The following RXFP1 variants were observed in gnomAD, a reference collection of about 807,000 sequenced individuals.
RXFP1 encodes relaxin family peptide receptor 1, also known as relaxin receptor 1.
In RXFP1, 73 loss-of-function variants were observed where a neutral mutation model predicts 89.8. The observed-to-expected ratio is 0.81, with a 90% CI of 0.67 to 0.99. The LOEUF (loss-of-function observed/expected upper bound fraction) is 0.99. Ranked by LOEUF, RXFP1 falls within the 50% of genes least tolerant of loss-of-function variation. The pLI is 0.00. For missense variants in RXFP1, 793 were observed against 895.5 expected (o/e 0.89, Z 1.46); for synonymous variants, 277 against 305.5 (o/e 0.91, Z 0.97).
At chr4:158,549,798 T>A (rs1250063336) in intron 1 of RXFP1, among the ~76,000 whole-genome samples, 9 of 151,766 alleles carry the variant, frequency 5.9e-5, no homozygotes, top group African/African-American at 2.2e-4. Flanking sequence ...GCTGCCTGAT[T>A]GTTCCTCTGG....
Position 158,651,958 on chromosome 4 carries a change from A to C in RXFP1, c.2177A>C (p.Gln726Pro), listed in dbSNP as rs766483698. ...SFIWVEMWPL[Q>P]EMPPELMKPD... ...ATCTGGGTGGAAATGTGGCCACTGC[A>C]GGAGATGCCACCTGAGTTAATGAAG... Residue 726 changes from glutamine to proline, a missense_variant, in exon 18 of 18, where the codon CAG becomes CCG. By Grantham distance (76) the Gln-to-Pro change is moderately conservative. Transcript: ENST00000307765. The C allele has an allele frequency of 1.9e-6, 3 of 1,614,172 alleles. No individual in the cohort carries two copies. The highest frequency in any genetic ancestry group is 2.2e-5 in the South Asian group (2 of 91,088).
At chr4:158,604,395 T>A (rs1428174461) in intron 4 of RXFP1, among the ~76,000 whole-genome samples, 4 of 152,154 alleles carry the variant, frequency 2.6e-5, no homozygotes, top group Non-Finnish European at 5.9e-5. Context: ...CTGGTTTTGG[T>A]TTTTTTATTG....
At chr4:158,598,050 C>G (rs909578091) in intron 3 of RXFP1, among the ~76,000 whole-genome samples, 3 of 152,016 alleles carry the variant, frequency 2.0e-5, no homozygotes, top group African/African-American at 7.2e-5. Context: ...CACATGTCAC[C>G]CCATATCTGA....
At chr4:158,622,326 T>A (rs1225553931) in intron 9 of RXFP1, among the ~76,000 whole-genome samples, 2 of 151,130 alleles carry the variant, frequency 1.3e-5, no homozygotes, top group African/African-American at 2.4e-5. Flanking sequence ...AAAAAAAAAA[T>A]TAAAAATAGA....
chr4:158,618,721 A>G (rs1765053907), intron 9 of RXFP1, among the ~76,000 whole-genome samples: 1 of 152,138 alleles, frequency 6.6e-6, no homozygotes, highest in South Asian at 2.1e-4. Flanking sequence ...AAAAATACAT[A>G]CAAACTAAAG....
At chr4:158,558,146 T>G (rs1017918965) in intron 1 of RXFP1, among the ~76,000 whole-genome samples, 1 of 152,246 alleles carries the variant, frequency 6.6e-6, no homozygotes, top group Admixed American at 6.5e-5. Context: ...AAGGAACTTG[T>G]TCTCACCTTT....
intron 17 of RXFP1, 118 bp downstream of exon 17, chr4:158,648,835 G>A (rs1772070920): frequency 1.2e-5 from 8 of 672,150 alleles, no homozygotes; most frequent in Admixed American, 6.1e-5. Flanking sequence ...CATCAGATCC[G>A]AGCACAGTGG....
intron 17 of RXFP1, among the ~76,000 whole-genome samples, chr4:158,650,743 TG>T (rs1437578458): frequency 6.6e-6 from 1 of 152,014 alleles, no homozygotes; most frequent in East Asian, 1.9e-4. Context: ...CACTACAACC[TG>T]GGTGATAGAG....
chr4:158,524,198 A>C (rs547535291), intron 1 of RXFP1, among the ~76,000 whole-genome samples: 1 of 152,314 alleles, frequency 6.6e-6, no homozygotes, highest in East Asian at 1.9e-4. Flanking sequence ...GTGCCTTGTC[A>C]CAAGACTCCA....
intron 6 of RXFP1, among the ~76,000 whole-genome samples, chr4:158,610,255 A>C (rs938135555): frequency 6.6e-6 from 1 of 152,026 alleles, no homozygotes; most frequent in Admixed American, 6.6e-5. Flanking sequence ...TCAGAGTGAG[A>C]CTCCATCTCA....
At chr4:158,617,546 A>G (rs570874053) in intron 9 of RXFP1, among the ~76,000 whole-genome samples, 26 of 152,038 alleles carry the variant, frequency 1.7e-4, no homozygotes, top group African/African-American at 4.8e-4. Context: ...TTTGGTACAG[A>G]AAGACTAAGT....
chr4:158,558,035 A>G (rs1407876920), intron 1 of RXFP1, among the ~76,000 whole-genome samples: 1 of 152,232 alleles, frequency 6.6e-6, no homozygotes, highest in African/African-American at 2.4e-5. Flanking sequence ...AAATATATCT[A>G]CTAAGCCACA....
At chr4:158,524,687 T>C (rs1271008064) in intron 1 of RXFP1, among the ~76,000 whole-genome samples, 1 of 152,206 alleles carries the variant, frequency 6.6e-6, no homozygotes, top group East Asian at 1.9e-4. Flanking sequence ...GGGTGAAAGG[T>C]GTATGGGACC....
intron 10 of RXFP1, among the ~76,000 whole-genome samples, chr4:158,628,110 T>C (rs960021357): frequency 2.0e-5 from 3 of 152,192 alleles, no homozygotes; most frequent in African/African-American, 7.2e-5. Context: ...CTAGGCTAGC[T>C]GGTAACACAT....
intron 2 of RXFP1, among the ~76,000 whole-genome samples, chr4:158,579,157 A>G (rs558668362): frequency 2.0e-5 from 3 of 151,740 alleles, no homozygotes; most frequent in African/African-American, 7.3e-5. Flanking sequence ...TCAGAAGCTG[A>G]AAGAGGCAAG....
intron 10 of RXFP1, among the ~76,000 whole-genome samples, chr4:158,628,250 A>G (rs181586656): frequency 7.9e-4 from 121 of 152,240 alleles, no homozygotes; most frequent in African/African-American, 2.8e-3. Flanking sequence ...TCAAGTAACA[A>G]ATGAGTAGGA....
rs865907410 is a variant in RXFP1 at position 158,568,199 on chromosome 4, G to C, written c.50-4499G>C. On this transcript the variant is annotated intron_variant, in intron 1 of 17. Transcript: ENST00000307765. The stretch of plus-strand genomic sequence containing the variant: ...CGAACATCAGAACTCTAGACTCGCT[G>C]CTTCTAAGAACTGTTAACACTCAAC... Among the ~76,000 whole-genome samples the C allele has an allele frequency of 1.6e-4, 24 of 152,186 alleles. 1 individual carries two copies. Among genetic ancestry groups the C allele is most frequent in the African/African-American group, 5.8e-4 (24 of 41,444 alleles).
In RXFP1 at chr4:158,651,290, A is replaced by G. The variant is rs531431972; in HGVS notation, c.1976-467A>G. Among the ~76,000 whole-genome samples the G allele has an allele frequency of 3.9e-5, 6 of 152,352 alleles. No individual in the cohort carries two copies. The South Asian group carries it at 1.0e-3, about 26-fold the overall frequency. ...CTGGTCAAAAGCTAAAAAAATGCACACTTTGTTTTAAAATCAAATGGCAAA... is the reference window on the plus strand; with the variant it reads ...CTGGTCAAAAGCTAAAAAAATGCACGCTTTGTTTTAAAATCAAATGGCAAA... On this transcript the variant is annotated intron_variant, in intron 17 of 17. Coordinates refer to ENST00000307765, the MANE Select transcript of RXFP1 (RefSeq NM_021634.4).
intron 14 of RXFP1, among the ~76,000 whole-genome samples, chr4:158,643,652 T>C (rs1181687396): frequency 2.0e-5 from 3 of 151,858 alleles, no homozygotes. Context: ...TTTGTATTTT[T>C]AGTAGAGACG....
Sources: allele counts gnomAD v4.1 joint callset (sites outside exome capture counted in the v4.1 genomes callset), GRCh38; gene constraint gnomAD v4.1.1; transcripts MANE v1.5; gene names NCBI Gene and HGNC (gene_info 2026-07-23, HGNC 2026-07-21).